FRMPD1: variants seen among roughly 807,000 people sequenced by gnomAD.
The protein encoded by FRMPD1 is FERM and PDZ domain-containing protein 1.
Under a neutral mutation model 117.8 loss-of-function variants are expected in FRMPD1, and 76 were observed. The observed-to-expected ratio is 0.65, with a 90% CI of 0.54 to 0.78. FRMPD1 has a LOEUF of 0.78. Ranked by LOEUF, FRMPD1 falls within the 30% of genes least tolerant of loss-of-function variation. FRMPD1 has a pLI of 0.00. For synonymous variants in FRMPD1, 783 were observed against 770.4 expected, an observed-to-expected ratio of 1.02 and a Z score of -0.27; for missense variants, 1,786 against 1,964.5, an observed-to-expected ratio of 0.91 and a Z score of 1.72.
chr9:37,605,511 C>T, the FRMPD1 span, among the ~76,000 whole-genome samples: 1 of 152,130 alleles, frequency 6.6e-6, no homozygotes, highest in African/African-American at 2.4e-5. Context: ...GGGCACTAGC[C>T]ACTGTCAATA....
chr9:37,708,954 T>C (rs1822813357), intron 4 of FRMPD1, among the ~76,000 whole-genome samples: 1 of 152,222 alleles, frequency 6.6e-6, no homozygotes, highest in Non-Finnish European at 1.5e-5. Context: ...GGCATATATG[T>C]AGTTTCATTG....
chr9:37,716,971 C>T (rs1399766565), intron 5 of FRMPD1, among the ~76,000 whole-genome samples: 1 of 152,170 alleles, frequency 6.6e-6, no homozygotes, highest in South Asian at 2.1e-4. Context: ...TGCTAAATAT[C>T]ACTGTTGAGG....
intron 1 of FRMPD1, among the ~76,000 whole-genome samples, chr9:37,672,429 C>T (rs1821384275): frequency 6.6e-6 from 1 of 152,120 alleles, no homozygotes; most frequent in Non-Finnish European, 1.5e-5. Context: ...TCCTTGAAGT[C>T]CTGTAAATAA....
chr9:37,627,193 C>T, the FRMPD1 span, among the ~76,000 whole-genome samples: 2 of 152,130 alleles, frequency 1.3e-5, no homozygotes, highest in African/African-American at 2.4e-5. Flanking sequence ...AGCCCCTTAC[C>T]TCAATTTCCC....
the FRMPD1 span, among the ~76,000 whole-genome samples, chr9:37,614,077 T>C: frequency 6.6e-6 from 1 of 152,214 alleles, no homozygotes; most frequent in Non-Finnish European, 1.5e-5. Flanking sequence ...CTGAGTTTCT[T>C]AGAGACCTCT....
At chr9:37,733,400 T>G (rs1823979418) in intron 10 of FRMPD1, 73 bp from the exon 11 acceptor site, 2 of 1,416,818 alleles carry the variant, frequency 1.4e-6, no homozygotes, top group East Asian at 2.3e-5. Context: ...CTGAATCAAA[T>G]GTAATTATGC....
At chr9:37,703,789 C>A (rs1822610895) in intron 2 of FRMPD1, among the ~76,000 whole-genome samples, 1 of 152,186 alleles carries the variant, frequency 6.6e-6, no homozygotes, top group Non-Finnish European at 1.5e-5. Flanking sequence ...TGGAATCATA[C>A]AATATGTGGT....
intron 6 of FRMPD1, among the ~76,000 whole-genome samples, chr9:37,722,593 A>C (rs112901406): frequency 0.01 from 1,569 of 152,152 alleles, 28 homozygotes; most frequent in African/African-American, 0.035. Context: ...TTTTTAGTAG[A>C]GACAAGGTTT....
chr9:37,634,750 T>C, the FRMPD1 span, among the ~76,000 whole-genome samples: 2 of 150,760 alleles, frequency 1.3e-5, no homozygotes, highest in Non-Finnish European at 2.9e-5. Flanking sequence ...ATTTTGGAGA[T>C]TTTTTTTCTT....
At chr9:37,717,109 A>G (rs1388720230) in intron 5 of FRMPD1, among the ~76,000 whole-genome samples, 1 of 152,156 alleles carries the variant, frequency 6.6e-6, no homozygotes, top group Non-Finnish European at 1.5e-5. Flanking sequence ...ACCTTATCAA[A>G]TGCTTTGCAA....
intron 10 of FRMPD1, 125 bp from the exon 11 acceptor site, chr9:37,733,348 A>T (rs1425002158): frequency 1.2e-6 from 1 of 868,812 alleles, no homozygotes; most frequent in Non-Finnish European, 1.8e-6. Context: ...AGAGAGGAGG[A>T]GAAAGTGGCT....
intron 2 of FRMPD1, among the ~76,000 whole-genome samples, chr9:37,700,830 A>C (rs1183910006): frequency 6.6e-6 from 1 of 152,210 alleles, no homozygotes; most frequent in Non-Finnish European, 1.5e-5. Flanking sequence ...AGATCACAGA[A>C]ATGACCTCAC....
rs1389470887 is a variant in FRMPD1 at position 37,708,499 on chromosome 9, C to T, written c.360C>T (p.Leu120=). The T allele has an allele frequency of 3.2e-6, 5 of 1,558,752 alleles. No individual in the cohort carries two copies. The highest frequency in any genetic ancestry group is 4.4e-6 in the Non-Finnish European group (5 of 1,129,388). Residue 120 remains leucine (L), a splice_region_variant and synonymous_variant, in exon 4 of 16, where the codon CTC becomes CTT. Coordinates refer to ENST00000377765, the MANE Select transcript of FRMPD1 (RefSeq NM_014907.3). ...DLSWERAVDI[L]REAEDSLSIT... Reference sequence around the variant, plus strand: ...CCTGGGAACGAGCAGTCGATATTCTCAGGTACTAAATGGTCTTCCATCATC... The same window carrying T: ...CCTGGGAACGAGCAGTCGATATTCTTAGGTACTAAATGGTCTTCCATCATC...
the FRMPD1 span, among the ~76,000 whole-genome samples, chr9:37,641,792 A>G: frequency 6.6e-6 from 1 of 152,218 alleles, no homozygotes; most frequent in African/African-American, 2.4e-5. Context: ...GAGGGGGTCC[A>G]GGCTAGTCTA....
chr9:37,735,708 G>T lies in FRMPD1; in HGVS notation c.1375G>T (p.Val459Phe), dbSNP rs774561681. Residue 459 changes from valine to phenylalanine, a missense_variant, in exon 13 of 16, where the codon GTC becomes TTC. Physicochemically the swap from Val to Phe is conservative, Grantham distance 50. Transcript: ENST00000377765. Reference sequence around the variant, plus strand: ...GGAAGAGTCTGAGAAAGTGAGCGTCGTCAAAGTGTATCTTCAGGACGTCAA... The same window carrying T: ...GGAAGAGTCTGAGAAAGTGAGCGTCTTCAAAGTGTATCTTCAGGACGTCAA... The part of the protein sequence containing the change: ...LTEESEKVSV[V>F]KVYLQDVKVL... The T allele has an allele frequency of 6.2e-7, 1 of 1,613,630 alleles. No individual in the cohort carries two copies. The highest frequency in any genetic ancestry group is 1.1e-5 in the South Asian group (1 of 91,022).
the FRMPD1 span, among the ~76,000 whole-genome samples, chr9:37,627,556 T>C: frequency 6.6e-6 from 1 of 152,238 alleles, no homozygotes; most frequent in Non-Finnish European, 1.5e-5. Flanking sequence ...CACTGTAACC[T>C]CCAACTACTG....
chr9:37,634,795 A>C, the FRMPD1 span, among the ~76,000 whole-genome samples: 4 of 151,464 alleles, frequency 2.6e-5, no homozygotes, highest in Admixed American at 6.6e-5. Context: ...ATCCATGTGC[A>C]GAACATGCAG....
Position 37,745,551 on chromosome 9 carries a change from C to T in FRMPD1, c.3519C>T (p.Ile1173=), listed in dbSNP as rs768532382. 3 of 1,614,036 alleles carry T rather than the reference C, an allele frequency of 1.9e-6. No homozygotes were observed. The highest frequency in any genetic ancestry group is 1.7e-5 in the Admixed American group (1 of 60,024). Residue 1173 remains isoleucine (I), a synonymous_variant, in exon 16 of 16, where the codon ATC becomes ATT. Coordinates refer to ENST00000377765, the MANE Select transcript of FRMPD1 (RefSeq NM_014907.3). The part of the protein sequence containing the change: ...LDAPVTGTEQ[I]PPHPPRDPQG... ...CTCCTGTAACAGGGACCGAGCAGAT[C>T]CCACCACATCCCCCTAGAGACCCTC...
chr9:37,637,130 T>A, the FRMPD1 span: 1 of 1,607,468 alleles, frequency 6.2e-7, no homozygotes, highest in Non-Finnish European at 8.5e-7. Flanking sequence ...TTTGATAGTT[T>A]TGCCATCCAG....
Sources: allele counts gnomAD v4.1 joint callset (sites outside exome capture counted in the v4.1 genomes callset), GRCh38; gene constraint gnomAD v4.1.1; transcripts MANE v1.5; gene names NCBI Gene and HGNC (gene_info 2026-07-23, HGNC 2026-07-21).